MACF1: variants seen among roughly 807,000 people sequenced by gnomAD.
MACF1 encodes the protein microtubule-actin cross-linking factor 1.
In MACF1, 193 loss-of-function variants were observed where a neutral mutation model predicts 854.8. That is an observed-to-expected ratio of 0.23 (90% CI 0.20 to 0.25). The LOEUF is 0.25. MACF1 is among the 10% of genes least tolerant of loss of function. The pLI is 1.00. For synonymous variants in MACF1, 3,185 were observed against 3,226.7 expected, an observed-to-expected ratio of 0.99 and a Z score of 0.44; for missense variants, 7,722 against 8,929.1, an observed-to-expected ratio of 0.86 and a Z score of 5.45.
At chr1:39,203,761 C>T (rs992034065), upstream of MACF1, among the ~76,000 whole-genome samples, 3 of 152,166 alleles carry the variant, frequency 2.0e-5, no homozygotes, top group African/African-American at 4.8e-5. Context: ...TCTGTGTCGT[C>T]GTATGTATCA....
At chr1:39,474,541 C>G (rs1570213408) in intron 97 of MACF1, among the ~76,000 whole-genome samples, 2 of 151,808 alleles carry the variant, frequency 1.3e-5, no homozygotes, top group Non-Finnish European at 2.9e-5. Flanking sequence ...ACTAAAAATA[C>G]AAAAATTAAC....
At chr1:39,456,143 A>G (rs762836099) in intron 89 of MACF1, among the ~76,000 whole-genome samples, 5 of 152,152 alleles carry the variant, frequency 3.3e-5, no homozygotes, top group East Asian at 1.9e-4. Context: ...AGACCAGCCT[A>G]GCCAACATGG....
At chr1:39,405,520 C>A (rs997907429) in intron 58 of MACF1, among the ~76,000 whole-genome samples, 2 of 152,202 alleles carry the variant, frequency 1.3e-5, no homozygotes, top group African/African-American at 2.4e-5. Flanking sequence ...AGGTCTGGAG[C>A]AGACAAGGGC....
chr1:39,277,197 T>A lies in MACF1; in HGVS notation c.529-5011T>A, dbSNP rs3116387. The stretch of plus-strand genomic sequence containing the variant: ...AATCCAGTGTTATGTAACTGGACTC[T>A]TGTGGTTTGAAATGAAATACCCAGA... On this transcript the variant is annotated intron_variant, in intron 6 of 100. Transcript: ENST00000564288. Among the ~76,000 whole-genome samples the A allele has an allele frequency of 1.3e-5, 2 of 150,552 alleles. 1 individual carries two copies. The highest frequency in any genetic ancestry group is 4.2e-4 in the South Asian group (2 of 4,806).
rs1646749772 is a variant in MACF1 at position 39,332,789 on chromosome 1, A to G, written c.6201A>G (p.Val2067=). Residue 2067 remains valine (V), a synonymous_variant, in exon 37 of 101, where the codon GTA becomes GTG. Coordinates refer to ENST00000564288, the MANE Select transcript of MACF1 (RefSeq NM_001394062.1). Reference sequence around the variant, plus strand: ...CAGAAAAAGGCAAAAAGACCACTGTAGAAACAGAAGATTCTTCTGTAGAGA... The same window carrying G: ...CAGAAAAAGGCAAAAAGACCACTGTGGAAACAGAAGATTCTTCTGTAGAGA... ...CTTEKGKKTT[V]ETEDSSVENP... is the part of the protein sequence containing the mutation. The G allele has an allele frequency of 1.9e-6, 3 of 1,614,226 alleles. No individual in the cohort carries two copies. Among genetic ancestry groups the G allele is most frequent in the Non-Finnish European group, 8.5e-7 (1 of 1,180,040 alleles).
chr1:39,471,414 G>A (rs1644774727), intron 97 of MACF1, among the ~76,000 whole-genome samples: 1 of 152,170 alleles, frequency 6.6e-6, no homozygotes, highest in Non-Finnish European at 1.5e-5. Flanking sequence ...TGTAGAGAAT[G>A]CTATACTGAG....
intron 2 of MACF1, among the ~76,000 whole-genome samples, chr1:39,173,351 A>AAAAG (rs1553155691): frequency 0.53 from 65,886 of 125,098 alleles, 18,610 homozygotes; most frequent in East Asian, 0.82. Context: ...AAAAAAAAAA[A>AAAAG]AAAGAAAGAA....
Position 39,352,995 on chromosome 1 carries a change from G to C in MACF1, c.11200-12G>C, listed in dbSNP as rs183165396. On this transcript the variant is annotated splice_polypyrimidine_tract_variant and intron_variant, in intron 43 of 100. Transcript: ENST00000564288. ...TAAAGCCTTCTCACTAGACTACCTC[G>C]GTGGCTTTCAGAGTAAAGCAGCAAA... 54 of 1,601,090 alleles carry C rather than the reference G, an allele frequency of 3.4e-5. No homozygotes were observed. The Admixed American group carries it at 8.0e-4, about 24-fold the overall frequency.
At chr1:39,136,084 A>G (rs1643160065) in intron 2 of MACF1, among the ~76,000 whole-genome samples, 1 of 152,192 alleles carries the variant, frequency 6.6e-6, no homozygotes, top group African/African-American at 2.4e-5. Context: ...CAAATATCCC[A>G]TTATTGACAC....
Position 39,322,879 on chromosome 1 carries a change from G to A in MACF1, c.4138-31G>A, listed in dbSNP as rs531794912. On this transcript the variant is annotated intron_variant, in intron 32 of 100. Coordinates refer to ENST00000564288, the MANE Select transcript of MACF1 (RefSeq NM_001394062.1). Reference sequence around the variant, plus strand: ...ATTTAAATTTCATTTTCTGGCAGACGATTTATTTAAATTGTTCTTTTGAAC... The same window carrying A: ...ATTTAAATTTCATTTTCTGGCAGACAATTTATTTAAATTGTTCTTTTGAAC... 240 of 1,587,138 alleles carry A rather than the reference G, an allele frequency of 1.5e-4. 2 individuals are homozygous for A. The South Asian group carries it at 2.2e-3, about 14-fold the overall frequency.
chr1:39,311,144 T>A, intron 26 of MACF1, 144 bp downstream of exon 26: 1 of 843,848 alleles, frequency 1.2e-6, no homozygotes, highest in Non-Finnish European at 1.8e-6. Flanking sequence ...TCTATAAATG[T>A]CTTTTACCCG....
intron 24 of MACF1, 101 bp downstream of exon 24, chr1:39,309,797 G>A (rs1646261592): frequency 2.3e-6 from 3 of 1,307,924 alleles, no homozygotes; most frequent in South Asian, 1.4e-5. Context: ...CCCAAATGGA[G>A]TAAAGTGGAC....
intron 2 of MACF1, among the ~76,000 whole-genome samples, chr1:39,185,522 T>C (rs1025752765): frequency 2.6e-5 from 4 of 151,966 alleles, no homozygotes; most frequent in Non-Finnish European, 5.9e-5. Context: ...AAATTTTTTT[T>C]TTAAATAAAC....
rs1642875246 is a variant in MACF1 at position 39,409,327 on chromosome 1, C to A, written c.15817-13047C>A. Among the ~76,000 whole-genome samples the A allele has an allele frequency of 6.6e-6, 1 of 152,100 alleles. No individual in the cohort carries two copies. The highest frequency in any genetic ancestry group is 1.5e-5 in the Non-Finnish European group (1 of 67,986). On this transcript the variant is annotated intron_variant, in intron 58 of 100. Transcript: ENST00000564288. The surrounding 1 kb of genome is among the most constrained non-coding windows in gnomAD (Gnocchi z 4.2). ...ACTGGCGGCGGCGGGCGAGGCGGCGCCCACAGCACTCGGGACTCAGCTGCC... is the reference window on the plus strand; with the variant it reads ...ACTGGCGGCGGCGGGCGAGGCGGCGACCACAGCACTCGGGACTCAGCTGCC...
At chr1:39,417,709 G>GT (rs1643369472) in intron 58 of MACF1, among the ~76,000 whole-genome samples, 1 of 100,410 alleles carries the variant, frequency 1.0e-5, no homozygotes, top group Non-Finnish European at 2.1e-5. Context: ...ACCACACCCA[G>GT]TTAATTTTTT....
At chr1:39,239,892 AC>A (rs1557537834) in intron 2 of MACF1, among the ~76,000 whole-genome samples, 1 of 152,066 alleles carries the variant, frequency 6.6e-6, no homozygotes, top group Non-Finnish European at 1.5e-5. Context: ...CTTACAACCA[AC>A]CCTTCCTTCC....
Position 39,282,379 on chromosome 1 carries a change from G to T in MACF1, c.695+5G>T. 1.2e-6 allele frequency: 2 copies of T among 1,609,110 alleles called. No individual in the cohort carries two copies. The highest frequency in any genetic ancestry group is 2.2e-5 in the South Asian group (2 of 90,540). On this transcript the variant is annotated splice_donor_5th_base_variant and intron_variant, in intron 7 of 100. Coordinates refer to ENST00000564288, the MANE Select transcript of MACF1 (RefSeq NM_001394062.1). ...TGCACTCATTCACCGATACCGGTAA[G>T]AACAGTGGAATTTCTGTGCTCCTGC...
Position 39,285,118 on chromosome 1 carries a change from A to G in MACF1, c.1167A>G (p.Gln389=). ...WIEFGRIKLP[Q]GYHPNDVEEE... Reference sequence around the variant, plus strand: ...AATTTGGCCGAATTAAACTGCCTCAAGGTTATCACCCTAATGATGTGGAAG... The same window carrying G: ...AATTTGGCCGAATTAAACTGCCTCAGGGTTATCACCCTAATGATGTGGAAG... Residue 389 remains glutamine, a synonymous_variant, in exon 12 of 101, where the codon CAA becomes CAG. Coordinates refer to ENST00000564288, the MANE Select transcript of MACF1 (RefSeq NM_001394062.1). 6.2e-6 allele frequency: 10 copies of G among 1,614,240 alleles called. No individual in the cohort carries two copies. Among genetic ancestry groups the G allele is most frequent in the Non-Finnish European group, 8.5e-6 (10 of 1,180,044 alleles).
chr1:39,267,476 C>T (rs1016993668), intron 6 of MACF1, among the ~76,000 whole-genome samples: 4 of 152,210 alleles, frequency 2.6e-5, no homozygotes, highest in African/African-American at 9.6e-5. Context: ...GGCAATCCGC[C>T]TGCCTTGGCC....
Sources: gnomAD v4.1 joint callset for allele counts (sites outside exome capture counted in the v4.1 genomes callset) on GRCh38, gnomAD v4.1.1 for gene constraint, Gnocchi (gnomAD v3.1) non-coding constraint, MANE v1.5 for transcripts, NCBI Gene and HGNC (gene_info 2026-07-23, HGNC 2026-07-21) for gene names.